DLG1: variants seen among roughly 807,000 people sequenced by gnomAD.
DLG1 encodes the protein discs large MAGUK scaffold protein 1.
A neutral mutation model predicts 123.4 loss-of-function variants in DLG1; 42 were observed. That is an observed-to-expected ratio of 0.34 (90% CI 0.27 to 0.44). DLG1 has a LOEUF of 0.44. Among genes scored for constraint, DLG1 ranks in the 20% least tolerant of loss-of-function variants. The pLI, the probability that DLG1 is intolerant of heterozygous loss-of-function variation, is 1.00. For synonymous variants in DLG1, 317 were observed against 356.2 expected (o/e 0.89, Z 1.24); for missense variants, 942 against 1,082.6 (o/e 0.87, Z 1.82).
intron 3 of DLG1, among the ~76,000 whole-genome samples, chr3:197,284,883 T>C (rs1771072486): frequency 6.6e-6 from 1 of 152,152 alleles, no homozygotes; most frequent in Admixed American, 6.5e-5. Flanking sequence ...TGGCCTAAAC[T>C]GGGTTTCCAC....
chr3:197,163,222 A>G (rs1169449456), intron 5 of DLG1, among the ~76,000 whole-genome samples: 1 of 152,220 alleles, frequency 6.6e-6, no homozygotes, highest in African/African-American at 2.4e-5. Flanking sequence ...GGTGGCAAGG[A>G]TGTGGAGAAA....
At chr3:197,133,442 C>G (rs1314645603) in intron 10 of DLG1, among the ~76,000 whole-genome samples, 1 of 152,180 alleles carries the variant, frequency 6.6e-6, no homozygotes, top group South Asian at 2.1e-4. Context: ...CAAGCCCTAT[C>G]CAATCTGCAG....
At chr3:197,128,692 T>C (rs1781003341) in intron 11 of DLG1, among the ~76,000 whole-genome samples, 1 of 152,210 alleles carries the variant, frequency 6.6e-6, no homozygotes, top group Non-Finnish European at 1.5e-5. Context: ...GACTTGAAAG[T>C]CAAAATTATT....
chr3:197,158,283 G>C (rs1212801962), intron 5 of DLG1, among the ~76,000 whole-genome samples: 2 of 152,128 alleles, frequency 1.3e-5, no homozygotes, highest in Admixed American at 1.3e-4. Flanking sequence ...GTGTTGGTGA[G>C]GATGTGGAGA....
rs1579025265 is a variant in DLG1 at position 197,093,686 on chromosome 3, T to G, written c.1547-2660A>C. Among the ~76,000 whole-genome samples the G allele has an allele frequency of 2.6e-5, 4 of 152,170 alleles. No homozygotes were observed. In the South Asian group the frequency reaches 8.3e-4, roughly 32 times the overall value. On this transcript the variant is annotated intron_variant, in intron 14 of 24. Transcript: ENST00000667157. ...GCTTCATTAGCAAGCCTGAAAATTGTCTGCTTTTATGAATTAACTTTTGAT... is the reference window on the plus strand; with the variant it reads ...GCTTCATTAGCAAGCCTGAAAATTGGCTGCTTTTATGAATTAACTTTTGAT...
chr3:197,161,785 A>G, intron 5 of DLG1: 2 of 1,172,946 alleles, frequency 1.7e-6, no homozygotes, highest in South Asian at 1.4e-5. Context: ...CCAAAATAAA[A>G]GGGAAACACA....
chr3:197,100,544 A>G (rs1035292934), intron 14 of DLG1, among the ~76,000 whole-genome samples: 8 of 152,218 alleles, frequency 5.3e-5, no homozygotes, highest in African/African-American at 1.9e-4. Context: ...CAATATAATT[A>G]ATGCTTTCTG....
chr3:197,179,179 G>A (rs912447843), intron 5 of DLG1, among the ~76,000 whole-genome samples: 3 of 152,140 alleles, frequency 2.0e-5, no homozygotes, highest in Non-Finnish European at 4.4e-5. Context: ...CAATCCGGAT[G>A]GTCTGGACTT....
chr3:197,128,976 A>C (rs1031241248), intron 11 of DLG1, among the ~76,000 whole-genome samples: 1 of 152,222 alleles, frequency 6.6e-6, no homozygotes, highest in African/African-American at 2.4e-5. Flanking sequence ...ACAGTTATAC[A>C]GAACAGGCAG....
intron 6 of DLG1, among the ~76,000 whole-genome samples, chr3:197,146,430 G>C (rs1377421868): frequency 6.6e-6 from 1 of 152,124 alleles, no homozygotes; most frequent in Non-Finnish European, 1.5e-5. Context: ...CATCAAAACA[G>C]CATGGTACTG....
intron 11 of DLG1, among the ~76,000 whole-genome samples, chr3:197,124,892 G>A (rs1308911533): frequency 6.6e-6 from 1 of 152,102 alleles, no homozygotes; most frequent in African/African-American, 2.4e-5. Context: ...ATGTAAACAT[G>A]TTCGTGTGCT....
intron 11 of DLG1, among the ~76,000 whole-genome samples, chr3:197,127,447 AAAAAAAAAAAATATATATATATATATAT>A (rs1779967681): frequency 3.8e-5 from 1 of 26,460 alleles, no homozygotes; most frequent in Non-Finnish European, 7.2e-5. Flanking sequence ...AAAAAAAAAA[AAAAAAAAAAAATATATATATATATATAT>A]ATATATATAT....
At chr3:197,291,154 T>C (rs996175949) in intron 3 of DLG1, among the ~76,000 whole-genome samples, 4 of 152,102 alleles carry the variant, frequency 2.6e-5, no homozygotes, top group African/African-American at 9.7e-5. Context: ...TTCAGAGCAG[T>C]AGTAAGCAAA....
chr3:197,134,057 A>G (rs1783934758), intron 10 of DLG1, among the ~76,000 whole-genome samples: 2 of 152,220 alleles, frequency 1.3e-5, no homozygotes, highest in South Asian at 4.1e-4. Flanking sequence ...AAGAAATTAA[A>G]AAGTAAAACT....
rs1720920719 is a variant in DLG1, at chr3:197,042,616, C to T, written c.*2007G>A. On this transcript the variant is annotated 3_prime_UTR_variant, in exon 25 of 25. Transcript: ENST00000667157. Reference sequence around the variant, plus strand: ...TATAAATGGCATCCTTTTATAACCACTTGATATTTTACAACATGTGACTAT... The same window carrying T: ...TATAAATGGCATCCTTTTATAACCATTTGATATTTTACAACATGTGACTAT... 1 of 152,186 alleles carries T rather than the reference C, an allele frequency of 6.6e-6. No homozygotes were observed. The highest frequency in any genetic ancestry group is 6.5e-5 in the Admixed American group (1 of 15,276). The allele number at this position is 152,186 out of a possible 1,614,324, so 9.4% of individuals were successfully genotyped here. A position where few individuals can be genotyped will look rare whatever the true frequency, so the allele number is the denominator to read the frequency against.
chr3:197,233,458 C>G (rs1193566163), intron 4 of DLG1, among the ~76,000 whole-genome samples: 1 of 152,204 alleles, frequency 6.6e-6, no homozygotes, highest in Non-Finnish European at 1.5e-5. Flanking sequence ...GGGATCTCAG[C>G]TCACTGCAAC....
intron 5 of DLG1, among the ~76,000 whole-genome samples, chr3:197,158,606 C>T (rs969119189): frequency 8.0e-6 from 1 of 125,146 alleles, no homozygotes; most frequent in Non-Finnish European, 1.6e-5. Context: ...TGCACTCCAG[C>T]CTGGGTAACA....
intron 5 of DLG1, among the ~76,000 whole-genome samples, chr3:197,193,244 G>A (rs909529405): frequency 2.6e-5 from 4 of 152,004 alleles, no homozygotes; most frequent in South Asian, 2.1e-4. Context: ...AAATGGGCAC[G>A]TAACAGATAA....
chr3:197,138,193 G>A (rs760789694), intron 9 of DLG1, 29 bp downstream of exon 9: 1 of 1,377,444 alleles, frequency 7.3e-7, no homozygotes, highest in South Asian at 1.8e-5. Context: ...ATTTCTTAAA[G>A]ATTTATCTTA....
Sources: allele counts gnomAD v4.1 joint callset (sites outside exome capture counted in the v4.1 genomes callset), GRCh38; gene constraint gnomAD v4.1.1; transcripts MANE v1.5; gene names NCBI Gene and HGNC (gene_info 2026-07-23, HGNC 2026-07-21).